UNC5D: variants seen among roughly 807,000 people sequenced by gnomAD.
The protein encoded by UNC5D is netrin receptor UNC5D.
Under a neutral mutation model 105.4 loss-of-function variants are expected in UNC5D, and 39 were observed. That is an observed-to-expected ratio of 0.37 (90% CI 0.29 to 0.48). The LOEUF is 0.48. Among genes scored for constraint, UNC5D ranks in the 20% least tolerant of loss-of-function variants. The pLI is 0.98. For synonymous variants in UNC5D, 452 were observed against 450.4 expected (o/e 1.00, Z -0.04); for missense variants, 991 against 1,202.4 (o/e 0.82, Z 2.60).
chr8:35,686,708 A>G lies in UNC5D; in HGVS notation c.1083A>G (p.Leu361=). ...SENCTDGLCI[L]DKKPLHEIKP... is the part of the protein sequence containing the mutation. ...ACTGCACAGATGGTCTTTGCATCCT[A>G]GGTAACACTTTTGCTTTAACATCTT... Residue 361 remains leucine (L), a splice_region_variant and synonymous_variant, in exon 7 of 17, where the codon CTA becomes CTG. Coordinates refer to ENST00000404895, the MANE Select transcript of UNC5D (RefSeq NM_080872.4). 6.3e-7 allele frequency: 1 copy of G among 1,584,860 alleles called. No homozygotes were observed. Among genetic ancestry groups the G allele is most frequent in the South Asian group, 1.2e-5 (1 of 86,472 alleles).
intron 7 of UNC5D, among the ~76,000 whole-genome samples, chr8:35,694,750 CTG>C (rs1826639985): frequency 6.6e-6 from 1 of 151,916 alleles, no homozygotes; most frequent in African/African-American, 2.4e-5. Flanking sequence ...GGGTCTCACT[CTG>C]TTGCCCAAGC....
At chr8:35,482,876 CA>C (rs1177570582) in intron 1 of UNC5D, among the ~76,000 whole-genome samples, 4 of 134,798 alleles carry the variant, frequency 3.0e-5, no homozygotes, top group Non-Finnish European at 6.1e-5. Context: ...GATCTCAGCT[CA>C]CTGCAACTTC....
chr8:35,489,473 A>C (rs969013722), intron 1 of UNC5D, among the ~76,000 whole-genome samples: 1 of 152,202 alleles, frequency 6.6e-6, no homozygotes, highest in African/African-American at 2.4e-5. Context: ...TCTCTCCTTA[A>C]TCTAATCTTA....
At chr8:35,463,895 C>CT in intron 1 of UNC5D, among the ~76,000 whole-genome samples, 1 of 152,050 alleles carries the variant, frequency 6.6e-6, no homozygotes, top group Non-Finnish European at 1.5e-5. Context: ...AAACCATTTG[C>CT]TTTTTTAGCT....
At chr8:35,491,350 G>A (rs1258370763) in intron 1 of UNC5D, among the ~76,000 whole-genome samples, 4 of 152,090 alleles carry the variant, frequency 2.6e-5, no homozygotes. Context: ...GGCAATTAAT[G>A]TAATGATTTA....
intron 15 of UNC5D, among the ~76,000 whole-genome samples, chr8:35,770,004 T>G (rs1421609602): frequency 6.6e-6 from 1 of 152,042 alleles, no homozygotes; most frequent in Non-Finnish European, 1.5e-5. Flanking sequence ...TGACTTAATT[T>G]TTTGGTAAAT....
intron 1 of UNC5D, among the ~76,000 whole-genome samples, chr8:35,505,026 G>C (rs1283203247): frequency 6.6e-6 from 1 of 152,176 alleles, no homozygotes; most frequent in African/African-American, 2.4e-5. Flanking sequence ...AACACTAAAA[G>C]AGTATACTTG....
chr8:35,654,792 G>A (rs1455221940), intron 4 of UNC5D, among the ~76,000 whole-genome samples: 1 of 152,070 alleles, frequency 6.6e-6, no homozygotes, highest in Non-Finnish European at 1.5e-5. Context: ...CATGACTTGA[G>A]TGGCTAACTT....
intron 1 of UNC5D, among the ~76,000 whole-genome samples, chr8:35,478,962 T>C (rs941040152): frequency 3.3e-5 from 5 of 152,150 alleles, no homozygotes; most frequent in African/African-American, 9.7e-5. Context: ...AAAGGGCAAG[T>C]CTTTGGAGAA....
intron 15 of UNC5D, among the ~76,000 whole-genome samples, chr8:35,770,213 A>ATTT (rs1801949999): frequency 6.6e-6 from 1 of 152,186 alleles, no homozygotes; most frequent in Non-Finnish European, 1.5e-5. Flanking sequence ...ATATTTATAT[A>ATTT]ATTAACATTT....
intron 1 of UNC5D, among the ~76,000 whole-genome samples, chr8:35,263,686 T>G (rs1804641259): frequency 6.6e-6 from 1 of 152,258 alleles, no homozygotes; most frequent in Non-Finnish European, 1.5e-5. Flanking sequence ...ATAGTAAGCC[T>G]TCATAATAGT....
At position 35,710,050 on chromosome 8, in the gene UNC5D, C is replaced by A. The variant is rs78295314; in HGVS notation, c.1117+4089C>A. On this transcript the variant is annotated intron_variant, in intron 8 of 16. Transcript: ENST00000404895. ...GGGCTTTTATTTAGAGTGACATGAC[C>A]TAATATATTCAAGGAAAAGCTCTTA... Among the ~76,000 whole-genome samples the A allele has an allele frequency of 5.9e-3, 901 of 152,222 alleles. 11 individuals carry two copies. The highest frequency in any genetic ancestry group is 0.021 in the African/African-American group (853 of 41,520).
chr8:35,671,468 G>GTTGA (rs1824799494), intron 4 of UNC5D, among the ~76,000 whole-genome samples: 1 of 152,170 alleles, frequency 6.6e-6, no homozygotes, highest in African/African-American at 2.4e-5. Flanking sequence ...TAAAATAGCA[G>GTTGA]TTGATTTCTG....
intron 1 of UNC5D, among the ~76,000 whole-genome samples, chr8:35,424,485 A>G (rs10216988): frequency 0.049 from 7,515 of 152,290 alleles, 209 homozygotes; most frequent in African/African-American, 0.073. Context: ...GTACTGACAA[A>G]GCAGATCCAG....
At chr8:35,333,718 G>A (rs910215561) in intron 1 of UNC5D, among the ~76,000 whole-genome samples, 1 of 152,130 alleles carries the variant, frequency 6.6e-6, no homozygotes, top group African/African-American at 2.4e-5. Flanking sequence ...GACCTCAGGT[G>A]ATCCACTAGC....
intron 10 of UNC5D, among the ~76,000 whole-genome samples, chr8:35,729,346 A>G (rs75173715): frequency 6.6e-6 from 1 of 152,244 alleles, no homozygotes; most frequent in Non-Finnish European, 1.5e-5. Context: ...TTTACTAAGA[A>G]TTTTGAATCC....
At chr8:35,616,276 G>A (rs907122223) in intron 4 of UNC5D, among the ~76,000 whole-genome samples, 9 of 152,304 alleles carry the variant, frequency 5.9e-5, no homozygotes, top group African/African-American at 1.7e-4. Context: ...CTGATAAAGC[G>A]CTTTATGTGT....
chr8:35,757,903 A>G (rs922440150), intron 13 of UNC5D, among the ~76,000 whole-genome samples: 8 of 152,240 alleles, frequency 5.3e-5, no homozygotes, highest in African/African-American at 1.9e-4. Flanking sequence ...TGTACTGTCC[A>G]GTATGGTCAT....
intron 8 of UNC5D, among the ~76,000 whole-genome samples, chr8:35,712,069 G>A (rs1422783019): frequency 2.6e-5 from 4 of 152,102 alleles, no homozygotes; most frequent in Non-Finnish European, 4.4e-5. Flanking sequence ...TCAGGAGTTC[G>A]AGACCAGCCT....
Sources: allele counts gnomAD v4.1 joint callset (sites outside exome capture counted in the v4.1 genomes callset), GRCh38; gene constraint gnomAD v4.1.1; transcripts MANE v1.5; gene names NCBI Gene and HGNC (gene_info 2026-07-23, HGNC 2026-07-21).